The following UNC5D variants were observed in gnomAD, a reference collection of about 807,000 sequenced individuals.
UNC5D encodes the protein netrin receptor UNC5D.
Under a neutral mutation model 105.4 loss-of-function variants are expected in UNC5D, and 39 were observed. That is an observed-to-expected ratio of 0.37 (90% CI 0.29 to 0.48). The LOEUF (loss-of-function observed/expected upper bound fraction) is 0.48. Among genes scored for constraint, UNC5D ranks in the 20% least tolerant of loss-of-function variants. UNC5D has a pLI of 0.98. For missense variants in UNC5D, 991 were observed against 1,202.4 expected (o/e 0.82, Z 2.60); for synonymous variants, 452 against 450.4 (o/e 1.00, Z -0.04).
At chr8:35,712,568 G>T (rs1383422995) in intron 8 of UNC5D, among the ~76,000 whole-genome samples, 1 of 152,162 alleles carries the variant, frequency 6.6e-6, no homozygotes, top group East Asian at 1.9e-4. Flanking sequence ...AGTCTGAAAA[G>T]TAGGTATGCT....
intron 1 of UNC5D, among the ~76,000 whole-genome samples, chr8:35,269,011 T>G (rs1338191584): frequency 6.6e-6 from 1 of 152,144 alleles, no homozygotes; most frequent in Non-Finnish European, 1.5e-5. Flanking sequence ...GTAACCATAG[T>G]TTACATTAAT....
chr8:35,444,110 A>C (rs886752088), intron 1 of UNC5D, among the ~76,000 whole-genome samples: 1 of 151,940 alleles, frequency 6.6e-6, no homozygotes, highest in Non-Finnish European at 1.5e-5. Flanking sequence ...TTTTTCACCC[A>C]TCTCTGAATG....
intron 1 of UNC5D, among the ~76,000 whole-genome samples, chr8:35,506,764 C>T (rs1264600563): frequency 6.6e-6 from 1 of 152,114 alleles, no homozygotes; most frequent in Non-Finnish European, 1.5e-5. Context: ...CAGAACAGGA[C>T]AGCTGTGTCC....
chr8:35,352,742 A>G (rs1812326655), intron 1 of UNC5D, among the ~76,000 whole-genome samples: 1 of 152,038 alleles, frequency 6.6e-6, no homozygotes, highest in Non-Finnish European at 1.5e-5. Context: ...CCTCCCGAGT[A>G]ACTGGGACTA....
intron 1 of UNC5D, among the ~76,000 whole-genome samples, chr8:35,429,272 T>A (rs143734306): frequency 6.6e-6 from 1 of 152,288 alleles, no homozygotes; most frequent in African/African-American, 2.4e-5. Context: ...TTCTGAGCTA[T>A]AGGTTTTTCA....
At chr8:35,538,398 TATATATATATATATA>T (rs1815007951) in intron 1 of UNC5D, among the ~76,000 whole-genome samples, 9 of 19,150 alleles carry the variant, frequency 4.7e-4, no homozygotes, top group African/African-American at 1.3e-3. Context: ...AAAATAATTA[TATATATATATATATA>T]TATATATATA....
intron 1 of UNC5D, among the ~76,000 whole-genome samples, chr8:35,314,828 A>T (rs1290951795): frequency 6.6e-6 from 1 of 152,186 alleles, no homozygotes; most frequent in Non-Finnish European, 1.5e-5. Context: ...AAATCTATAG[A>T]TAATAACAGT....
chr8:35,496,291 G>A (rs1811590409), intron 1 of UNC5D, among the ~76,000 whole-genome samples: 1 of 152,160 alleles, frequency 6.6e-6, no homozygotes, highest in Non-Finnish European at 1.5e-5. Context: ...CTGAATTGCT[G>A]AGGTCAATTT....
chr8:35,625,876 C>T (rs138164478), intron 4 of UNC5D, among the ~76,000 whole-genome samples: 9 of 152,280 alleles, frequency 5.9e-5, no homozygotes, highest in Non-Finnish European at 1.2e-4. Context: ...GATTATTGAT[C>T]TAAAAACCCT....
chr8:35,764,425 G>A (rs1801675963), intron 14 of UNC5D, among the ~76,000 whole-genome samples: 1 of 152,110 alleles, frequency 6.6e-6, no homozygotes, highest in Non-Finnish European at 1.5e-5. Flanking sequence ...GAGATGTGGA[G>A]GAAGGGCTGC....
At chr8:35,276,202 T>A (rs747075787) in intron 1 of UNC5D, among the ~76,000 whole-genome samples, 17 of 152,230 alleles carry the variant, frequency 1.1e-4, no homozygotes, top group Admixed American at 4.6e-4. Flanking sequence ...AATAACATGA[T>A]AACAGCAGTA....
rs866210785 is a variant in UNC5D at position 35,520,265 on chromosome 8, G to A, written c.104-29027G>A. Among the ~76,000 whole-genome samples the A allele has an allele frequency of 3.9e-5, 6 of 152,126 alleles. 1 individual carries two copies. In the South Asian group the frequency reaches 1.2e-3, roughly 32 times the overall value. ...AAGCATCAAGATATGCTACAACATC[G>A]ATAAACCTTGAAAATACTATGCTAA... On this transcript the variant is annotated intron_variant, in intron 1 of 16. Transcript: ENST00000404895.
intron 1 of UNC5D, among the ~76,000 whole-genome samples, chr8:35,422,880 G>A (rs557950588): frequency 1.3e-5 from 2 of 152,266 alleles, no homozygotes; most frequent in Admixed American, 6.5e-5. Flanking sequence ...TCTATGTGTA[G>A]TTACAGTAAT....
chr8:35,371,475 T>A (rs1041789543), intron 1 of UNC5D, among the ~76,000 whole-genome samples: 3 of 152,162 alleles, frequency 2.0e-5, no homozygotes, highest in Non-Finnish European at 4.4e-5. Context: ...GGAAAGGGGA[T>A]GTTAGAGACA....
At chr8:35,758,100 C>T (rs535277461) in intron 13 of UNC5D, among the ~76,000 whole-genome samples, 1 of 152,286 alleles carries the variant, frequency 6.6e-6, no homozygotes, top group South Asian at 2.1e-4. Flanking sequence ...ACACCCTTCC[C>T]ACAAGCAACA....
At chr8:35,519,978 G>C (rs1414294114) in intron 1 of UNC5D, among the ~76,000 whole-genome samples, 1 of 152,032 alleles carries the variant, frequency 6.6e-6, no homozygotes, top group Admixed American at 6.6e-5. Context: ...AATGTAGAAT[G>C]GTACAGGCAC....
At chr8:35,242,472 T>C (rs992514025) in intron 1 of UNC5D, among the ~76,000 whole-genome samples, 4 of 151,968 alleles carry the variant, frequency 2.6e-5, no homozygotes, top group African/African-American at 9.7e-5. Context: ...TATTATTTTA[T>C]TTATTTATTT....
intron 4 of UNC5D, among the ~76,000 whole-genome samples, chr8:35,667,817 C>A (rs1268756527): frequency 6.6e-6 from 1 of 152,154 alleles, no homozygotes; most frequent in Non-Finnish European, 1.5e-5. Flanking sequence ...CATAGTATTT[C>A]ATTGAGTAAA....
chr8:35,598,234 C>G (rs1819615309), intron 4 of UNC5D, among the ~76,000 whole-genome samples: 2 of 152,180 alleles, frequency 1.3e-5, no homozygotes, highest in African/African-American at 4.8e-5. Flanking sequence ...TTCTTTTTAC[C>G]TGTTATCACA....
Sources: gnomAD v4.1 joint callset for allele counts (sites outside exome capture counted in the v4.1 genomes callset) on GRCh38, gnomAD v4.1.1 for gene constraint, MANE v1.5 for transcripts, NCBI Gene and HGNC (gene_info 2026-07-23, HGNC 2026-07-21) for gene names.